Variants in TENM2 observed in about 807,000 individuals in gnomAD.
TENM2 encodes teneurin-2.
TENM2 carries 52 observed loss-of-function variants against 245.2 expected under a neutral mutation model. The observed-to-expected ratio is 0.21, with a 90% confidence interval of 0.17 to 0.27. TENM2 has a LOEUF of 0.27. Ranked by LOEUF, TENM2 falls within the 10% of genes least tolerant of loss-of-function variation. The pLI, the probability that TENM2 is intolerant of heterozygous loss-of-function variation, is 1.00. For missense variants in TENM2, 3,046 were observed against 3,666.8 expected (o/e 0.83, Z 4.37); for synonymous variants, 1,363 against 1,438.9 (o/e 0.95, Z 1.19).
the TENM2 span, among the ~76,000 whole-genome samples, chr5:167,166,954 C>T: frequency 1.3e-5 from 2 of 152,116 alleles, no homozygotes; most frequent in African/African-American, 4.8e-5. Context: ...ATGAGCAAAG[C>T]CATACCATGC....
At chr5:168,020,018 T>C (rs1309696089) in intron 5 of TENM2, among the ~76,000 whole-genome samples, 1 of 152,210 alleles carries the variant, frequency 6.6e-6, no homozygotes, top group African/African-American at 2.4e-5. Context: ...ATATGGCAAT[T>C]ATATACCATG....
At chr5:167,181,642 A>G in the TENM2 span, among the ~76,000 whole-genome samples, 1 of 152,160 alleles carries the variant, frequency 6.6e-6, no homozygotes, top group South Asian at 2.1e-4. Flanking sequence ...CAGAAAATAT[A>G]TAAATGAGTT....
chr5:167,124,055 T>C, the TENM2 span, among the ~76,000 whole-genome samples: 5 of 152,372 alleles, frequency 3.3e-5, 1 homozygote, highest in African/African-American at 1.2e-4. Context: ...AGTGTCTATA[T>C]GGAGAATATT....
intron 2 of TENM2, among the ~76,000 whole-genome samples, chr5:167,389,239 G>T (rs1761619079): frequency 7.4e-6 from 1 of 135,944 alleles, no homozygotes. Context: ...TATATATATA[G>T]TGCATTTAAA....
At chr5:167,918,421 C>T (rs1024990026) in intron 3 of TENM2, among the ~76,000 whole-genome samples, 17 of 152,196 alleles carry the variant, frequency 1.1e-4, no homozygotes, top group African/African-American at 3.6e-4. Flanking sequence ...CGGTGGGACA[C>T]GTCACCACCT....
the TENM2 span, among the ~76,000 whole-genome samples, chr5:167,131,502 A>G: frequency 6.6e-6 from 1 of 152,138 alleles, no homozygotes; most frequent in South Asian, 2.1e-4. Flanking sequence ...CCTAGGCTCC[A>G]GTCTCTGTTG....
At chr5:167,491,776 A>G (rs955631913) in intron 2 of TENM2, among the ~76,000 whole-genome samples, 1 of 152,170 alleles carries the variant, frequency 6.6e-6, no homozygotes, top group Admixed American at 6.6e-5. Flanking sequence ...TCACCTGTAC[A>G]TTCATCCCTT....
chr5:167,801,115 T>TATATAA (rs1765723348), intron 2 of TENM2, among the ~76,000 whole-genome samples: 1 of 46,458 alleles, frequency 2.2e-5, no homozygotes, highest in Non-Finnish European at 3.7e-5. Context: ...AAAAAATATA[T>TATATAA]ATATATATAT....
chr5:168,112,096 G>A (rs1024818235), intron 9 of TENM2, among the ~76,000 whole-genome samples: 1 of 152,102 alleles, frequency 6.6e-6, no homozygotes, highest in African/African-American at 2.4e-5. Flanking sequence ...CTGATCCTCT[G>A]TTCCTTCATG....
chr5:166,988,356 C>G, the TENM2 span, among the ~76,000 whole-genome samples: 3 of 152,210 alleles, frequency 2.0e-5, no homozygotes, highest in African/African-American at 7.2e-5. Context: ...TCAACTTTGA[C>G]TCAGCTCTTT....
At chr5:167,027,377 A>G in the TENM2 span, among the ~76,000 whole-genome samples, 1 of 152,176 alleles carries the variant, frequency 6.6e-6, no homozygotes, top group Non-Finnish European at 1.5e-5. Flanking sequence ...CCAGCTAGAT[A>G]TTGAGGAAGT....
rs1002121764 is a variant in TENM2, at chr5:167,385,241, C to T, written c.502+9768C>T. Among the ~76,000 whole-genome samples the T allele has an allele frequency of 2.6e-5, 4 of 151,866 alleles. No individual in the cohort carries two copies. The East Asian group carries it at 5.8e-4, about 22-fold the overall frequency. The stretch of plus-strand genomic sequence containing the variant: ...ATTATTTCTGCTTCTATATCCTTGC[C>T]GCTTCTTCATGAGTCATATTCTCAT... On this transcript the variant is annotated intron_variant, in intron 2 of 28. Transcript: ENST00000518659.
chr5:167,108,156 C>T, the TENM2 span, among the ~76,000 whole-genome samples: 9 of 152,250 alleles, frequency 5.9e-5, no homozygotes, highest in African/African-American at 1.4e-4. Flanking sequence ...GACAGAGTCT[C>T]GCTCTGTCAC....
chr5:167,555,943 T>C lies in TENM2; in HGVS notation c.502+180470T>C, dbSNP rs372950610. Among the ~76,000 whole-genome samples the C allele has an allele frequency of 2.1e-3, 317 of 152,236 alleles. 12 individuals are homozygous for C. In the South Asian group the frequency reaches 0.063, roughly 30 times the overall value. ...AGAGAAAGGAACCTTGCTGTTTTCA[T>C]TAAAGTGAGCCGCATTAGTTCTCAA... is the stretch of plus-strand genomic sequence containing the variant. On this transcript the variant is annotated intron_variant, in intron 2 of 28. Coordinates refer to ENST00000518659, the Ensembl canonical transcript of TENM2.
At chr5:168,215,125 T>C in exon 21 of TENM2, 1 of 1,613,932 alleles carries the variant, frequency 6.2e-7, no homozygotes, top group Non-Finnish European at 8.5e-7. Context: ...CAGGAGAATC[T>C]ACCGCGTCAA....
chr5:167,741,996 A>G (rs1192440803), intron 2 of TENM2, among the ~76,000 whole-genome samples: 1 of 152,172 alleles, frequency 6.6e-6, no homozygotes, highest in Non-Finnish European at 1.5e-5. Context: ...ATCCCTTGTC[A>G]TATCAAGTCC....
chr5:167,012,498 G>A, the TENM2 span, among the ~76,000 whole-genome samples: 100 of 151,796 alleles, frequency 6.6e-4, 2 homozygotes, highest in Admixed American at 6.2e-3. Flanking sequence ...TAGTGGAGCC[G>A]GGAAAGTGGT....
chr5:167,019,824 C>A, the TENM2 span, among the ~76,000 whole-genome samples: 1 of 151,910 alleles, frequency 6.6e-6, no homozygotes, highest in Non-Finnish European at 1.5e-5. Flanking sequence ...CTCTTAAGCC[C>A]TAAAATTTAG....
At chr5:168,104,380 C>T (rs1794078424) in intron 9 of TENM2, among the ~76,000 whole-genome samples, 1 of 152,188 alleles carries the variant, frequency 6.6e-6, no homozygotes, top group African/African-American at 2.4e-5. Context: ...ATAAGGTCCT[C>T]CCTCATCACA....
Sources: gnomAD v4.1 joint callset for allele counts (sites outside exome capture counted in the v4.1 genomes callset) on GRCh38, gnomAD v4.1.1 for gene constraint, MANE v1.5 for transcripts, NCBI Gene and HGNC (gene_info 2026-07-23, HGNC 2026-07-21) for gene names.